The following SYDE2 variants were observed in gnomAD, a reference collection of about 807,000 sequenced individuals.
SYDE2 encodes synapse defective Rho GTPase homolog 2, also known as rho GTPase-activating protein SYDE2.
SYDE2 carries 76 observed loss-of-function variants against 91.5 expected under a neutral mutation model. The ratio of observed to expected loss-of-function variants is 0.83; its 90% CI spans 0.69 to 1.01. SYDE2 has a LOEUF of 1.01. SYDE2 is among the 50% of genes least tolerant of loss of function. SYDE2 has a pLI of 0.00. For synonymous variants in SYDE2, 513 were observed against 506.4 expected, an observed-to-expected ratio of 1.01 and a Z score of -0.18; for missense variants, 1,364 against 1,367.7, an observed-to-expected ratio of 1.00 and a Z score of 0.04.
In SYDE2 at chr1:85,160,352, CTT is replaced by C. The variant is rs1214162852; in HGVS notation, c.3086-1105_3086-1104del. ...CATAACATTTTTCATAGATCTCACA[CTT>C]TTTTAAATTTAGATTTTATTGAAAT... On this transcript the variant is annotated intron_variant, in intron 6 of 6. Coordinates refer to ENST00000341460, the MANE Select transcript of SYDE2 (RefSeq NM_032184.2). The C allele has an allele frequency of 4.5e-6, 4 of 886,810 alleles. No individual in the cohort carries two copies. The East Asian group carries it at 4.8e-4, about 106-fold the overall frequency. 54.9% of individuals were successfully genotyped at this position (886,810 alleles called of 1,614,324 possible). A position where few individuals can be genotyped will look rare whatever the true frequency, so the allele number is the denominator to read the frequency against.
downstream of SYDE2, among the ~76,000 whole-genome samples, chr1:85,155,009 C>CAAAAAAAAAAAAA: frequency 1.7e-4 from 14 of 80,632 alleles, no homozygotes; most frequent in East Asian, 3.2e-4. Flanking sequence ...AAGAATGCAG[C>CAAAAAAAAAAAAA]AAAAAAAAAA....
At chr1:85,154,923 C>T (rs774035357), downstream of SYDE2, among the ~76,000 whole-genome samples, 3 of 150,698 alleles carry the variant, frequency 2.0e-5, no homozygotes, top group African/African-American at 4.9e-5. Context: ...CCTAGTTTCT[C>T]TCCCATGCAC....
At chr1:85,154,181 C>T (rs1225854295), downstream of SYDE2, 2 of 151,656 alleles carry the variant, frequency 1.3e-5, no homozygotes, top group Non-Finnish European at 2.9e-5. Flanking sequence ...ACAACTTTAT[C>T]ATACCAAAGT....
Position 85,158,864 on chromosome 1 carries a change from A to G in SYDE2, c.3471T>C (p.Val1157=), listed in dbSNP as rs772106884. The G allele has an allele frequency of 1.5e-5, 12 of 779,556 alleles. No individual in the cohort carries two copies. The East Asian group carries it at 2.9e-4, about 19-fold the overall frequency. 48.3% of individuals were successfully genotyped at this position (779,556 alleles called of 1,614,324 possible). Residue 1157 remains valine (V), a synonymous_variant, in exon 7 of 7, where the codon GTT becomes GTC. Coordinates refer to ENST00000341460, the MANE Select transcript of SYDE2 (RefSeq NM_032184.2). ...TGTTTTTTCGATCCACTGTAGACTC[A>G]ACTGTCTGCATTGTCAAATATGTCT... ...TFQTYLTMQT[V]ESTVDRKNNL...
At chr1:85,189,999 T>C (rs1658298021) in intron 2 of SYDE2, 58 bp downstream of exon 2, 2 of 1,279,198 alleles carry the variant, frequency 1.6e-6, no homozygotes, top group Admixed American at 4.5e-5. Flanking sequence ...GTTTTAGCTA[T>C]TATCAAATAA....
chr1:85,169,338 C>A (rs1447570437), intron 4 of SYDE2, 113 bp from the exon 5 acceptor site: 13 of 687,464 alleles, frequency 1.9e-5, no homozygotes, highest in Non-Finnish European at 2.9e-5. Context: ...ATTTTGAAAA[C>A]AATAAAGGCA....
intron 4 of SYDE2, among the ~76,000 whole-genome samples, chr1:85,174,829 A>T (rs1657635143): frequency 6.6e-6 from 1 of 152,246 alleles, no homozygotes; most frequent in Admixed American, 6.5e-5. Context: ...ATCTAGGTAA[A>T]GGAAAACGGA....
chr1:85,187,871 T>TG (rs1300178765), intron 2 of SYDE2, among the ~76,000 whole-genome samples: 2,261 of 40,386 alleles, frequency 0.056, 68 homozygotes, highest in African/African-American at 0.18. Flanking sequence ...TGTTGTGGGG[T>TG]GGGGGAGGGG....
intron 2 of SYDE2, among the ~76,000 whole-genome samples, chr1:85,186,060 G>A (rs1411061613): frequency 6.6e-6 from 1 of 151,530 alleles, no homozygotes; most frequent in Admixed American, 6.6e-5. Flanking sequence ...TAATCATGTG[G>A]TTTTTGTCTT....
chr1:85,191,787 A>G (rs79822235), intron 1 of SYDE2, among the ~76,000 whole-genome samples: 3,184 of 151,960 alleles, frequency 0.021, 99 homozygotes, highest in African/African-American at 0.073. Context: ...TAATAGTCCA[A>G]TGGGAGACCT....
chr1:85,153,118 G>A (rs1656813209), downstream of SYDE2: 1 of 152,274 alleles, frequency 6.6e-6, no homozygotes. Flanking sequence ...CAGGGGCAAT[G>A]GCAAGAGCAG....
At chr1:85,178,296 T>A in intron 3 of SYDE2, 24 bp from the exon 4 acceptor site, 1 of 1,540,714 alleles carries the variant, frequency 6.5e-7, no homozygotes, top group Non-Finnish European at 8.7e-7. Flanking sequence ...TATGGCCACA[T>A]TACAGTAAAT....
rs547196809 is a variant in SYDE2, at chr1:85,168,992, T to C, written c.2853+52A>G. On this transcript the variant is annotated intron_variant, in intron 5 of 6. Transcript: ENST00000341460. ...AATTATTTGTAGCTCTGGAGGTAGGTATACAGTTCATTAACTGGCTTTCAG... is the reference window on the plus strand; with the variant it reads ...AATTATTTGTAGCTCTGGAGGTAGGCATACAGTTCATTAACTGGCTTTCAG... 145 of 1,463,060 alleles carry C rather than the reference T, an allele frequency of 9.9e-5. 2 individuals are homozygous for C. The Admixed American group carries it at 2.4e-3, about 24-fold the overall frequency. 90.6% of individuals were successfully genotyped at this position (1,463,060 alleles called of 1,614,324 possible).
chr1:85,194,075 A>G (rs555914625), intron 1 of SYDE2, among the ~76,000 whole-genome samples: 2 of 152,106 alleles, frequency 1.3e-5, no homozygotes, highest in African/African-American at 4.8e-5. Flanking sequence ...TTATAAATAT[A>G]TAATATTACA....
Position 85,169,291 on chromosome 1 carries a change from AT to A in SYDE2, c.2672-67del, listed in dbSNP as rs147595313. ...AGAGTGAAATAAAGAACTATGGTCA[AT>A]TTTTTAAAATTTAAGTATTATAGCC... On this transcript the variant is annotated intron_variant, in intron 4 of 6. Transcript: ENST00000341460. The A allele has an allele frequency of 6.3e-4, 817 of 1,302,032 alleles. 3 individuals are homozygous for A. In the African/African-American group the frequency reaches 0.011, roughly 18 times the overall value. 80.7% of individuals were successfully genotyped at this position (1,302,032 alleles called of 1,614,324 possible).
intron 5 of SYDE2, among the ~76,000 whole-genome samples, chr1:85,166,170 A>G (rs1466935030): frequency 1.3e-5 from 2 of 151,500 alleles, no homozygotes; most frequent in African/African-American, 4.9e-5. Context: ...GGAAACCCCG[A>G]CTCTACTGAA....
chr1:85,165,226 C>A (rs948403621), intron 5 of SYDE2, among the ~76,000 whole-genome samples: 3 of 151,850 alleles, frequency 2.0e-5, no homozygotes, highest in Admixed American at 6.6e-5. Context: ...TGAACGAGAC[C>A]CTGTCAAAAA....
chr1:85,190,107 T>G lies in SYDE2; in HGVS notation c.1391A>C (p.Gln464Pro). 3 of 1,613,894 alleles carry G rather than the reference T, an allele frequency of 1.9e-6. No homozygotes were observed. The highest frequency in any genetic ancestry group is 2.5e-6 in the Non-Finnish European group (3 of 1,179,836). ...ACTGTCCTCCACCATTATACCTTCTTGTGTCTTGTGTCCTAGCTTTTGCTT... is the reference window on the plus strand; with the variant it reads ...ACTGTCCTCCACCATTATACCTTCTGGTGTCTTGTGTCCTAGCTTTTGCTT... ...QYKQKLGHKT[Q>P]EGIMVEDSPM... Residue 464 changes from glutamine (Q) to proline (P), a missense_variant, in exon 2 of 7, where the codon CAA (glutamine) becomes CCA (proline). Gln to Pro is a moderately conservative substitution (Grantham distance 76, BLOSUM62 -1). Transcript: ENST00000341460.
intron 1 of SYDE2, among the ~76,000 whole-genome samples, chr1:85,197,268 A>C (rs1658621934): frequency 6.6e-6 from 1 of 152,212 alleles, no homozygotes; most frequent in Non-Finnish European, 1.5e-5. Context: ...TTATAATACT[A>C]TCAAAAGTTC....
Sources: allele counts gnomAD v4.1 joint callset (sites outside exome capture counted in the v4.1 genomes callset), GRCh38; gene constraint gnomAD v4.1.1; transcripts MANE v1.5; gene names NCBI Gene and HGNC (gene_info 2026-07-23, HGNC 2026-07-21).